CDKAL1: variants seen among roughly 807,000 people sequenced by gnomAD.
The protein encoded by CDKAL1 is threonylcarbamoyladenosine tRNA methylthiotransferase.
Under a neutral mutation model 68.2 loss-of-function variants are expected in CDKAL1, and 32 were observed. The ratio of observed to expected loss-of-function variants is 0.47; its 90% CI spans 0.35 to 0.63. The LOEUF is 0.63. CDKAL1 is among the 30% of genes least tolerant of loss of function. The probability of loss-of-function intolerance (pLI) is 0.00; values close to 1 mark genes in which losing one functional copy is unlikely to be tolerated. For synonymous variants in CDKAL1, 234 were observed against 244.3 expected (o/e 0.96, Z 0.39); for missense variants, 606 against 696.7 (o/e 0.87, Z 1.47).
Position 21,117,385 on chromosome 6 carries a change from C to A in CDKAL1, c.1299+8922C>A, listed in dbSNP as rs181234137. On this transcript the variant is annotated intron_variant, in intron 13 of 15. Transcript: ENST00000274695. ...AGCACAGTTGGTTCTCGCCTGTAATCCCAGCATTTTGAGAGGTCAGGGTGG... is the reference window on the plus strand; with the variant it reads ...AGCACAGTTGGTTCTCGCCTGTAATACCAGCATTTTGAGAGGTCAGGGTGG... Among the ~76,000 whole-genome samples the A allele has an allele frequency of 2.6e-5, 4 of 151,516 alleles. No homozygotes were observed. In the East Asian group the frequency reaches 7.8e-4, roughly 29 times the overall value.
intron 4 of CDKAL1, among the ~76,000 whole-genome samples, chr6:20,613,243 T>G (rs1291705809): frequency 9.1e-6 from 1 of 109,892 alleles, no homozygotes; most frequent in Non-Finnish European, 1.9e-5. Flanking sequence ...ATCACAAAAT[T>G]TCTTTCTTTT....
chr6:20,976,467 A>G (rs1390064166), intron 10 of CDKAL1, among the ~76,000 whole-genome samples: 1 of 152,134 alleles, frequency 6.6e-6, no homozygotes, highest in Non-Finnish European at 1.5e-5. Flanking sequence ...TTTCATCTAG[A>G]TCTTAAGCTT....
intron 4 of CDKAL1, among the ~76,000 whole-genome samples, chr6:20,583,702 G>C (rs1765227127): frequency 6.6e-6 from 1 of 151,852 alleles, no homozygotes; most frequent in Non-Finnish European, 1.5e-5. Context: ...TTAGCTATAG[G>C]AGTATGAATG....
intron 11 of CDKAL1, among the ~76,000 whole-genome samples, chr6:21,031,639 A>G (rs943095494): frequency 5.3e-5 from 8 of 151,992 alleles, no homozygotes; most frequent in Non-Finnish European, 1.2e-4. Context: ...CTTGGAAGGT[A>G]GAAGTCGGGA....
chr6:20,704,828 C>G (rs772151586), intron 5 of CDKAL1, among the ~76,000 whole-genome samples: 2 of 152,120 alleles, frequency 1.3e-5, no homozygotes, highest in Non-Finnish European at 2.9e-5. Context: ...TCCAGTGCCC[C>G]GAGGCCTGTG....
At chr6:20,591,066 G>T (rs530042797) in intron 4 of CDKAL1, among the ~76,000 whole-genome samples, 9 of 152,252 alleles carry the variant, frequency 5.9e-5, no homozygotes, top group Admixed American at 3.9e-4. Flanking sequence ...GCATGAGATG[G>T]TATCTCATTG....
intron 9 of CDKAL1, among the ~76,000 whole-genome samples, chr6:20,849,655 T>G (rs1758902945): frequency 6.6e-6 from 1 of 151,422 alleles, no homozygotes; most frequent in African/African-American, 2.4e-5. Context: ...GGAAGAGAAG[T>G]CTAATTTTGG....
At chr6:20,993,919 A>C (rs1230427459) in intron 10 of CDKAL1, among the ~76,000 whole-genome samples, 1 of 152,152 alleles carries the variant, frequency 6.6e-6, no homozygotes, top group Non-Finnish European at 1.5e-5. Context: ...GCCTTAATAC[A>C]TCAGCCCTTC....
intron 9 of CDKAL1, among the ~76,000 whole-genome samples, chr6:20,904,197 CA>C (rs923837621): frequency 1.9e-4 from 29 of 152,112 alleles, no homozygotes; most frequent in African/African-American, 6.3e-4. Flanking sequence ...TGCATTGTTG[CA>C]AGCCCCTCCT....
chr6:21,166,926 G>A (rs1562086641), intron 13 of CDKAL1, among the ~76,000 whole-genome samples: 1 of 152,192 alleles, frequency 6.6e-6, no homozygotes, highest in African/African-American at 2.4e-5. Flanking sequence ...CTTGAAGACA[G>A]AACACCCAGA....
chr6:21,160,585 C>T (rs1274472098), intron 13 of CDKAL1, among the ~76,000 whole-genome samples: 9 of 143,080 alleles, frequency 6.3e-5, no homozygotes, highest in African/African-American at 2.1e-4. Flanking sequence ...CGTGAGCCAC[C>T]GCACCCAGCC....
Position 21,230,876 on chromosome 6 carries a change from T to G in CDKAL1, c.1577T>G (p.Leu526Arg). Residue 526 changes from leucine to arginine, a missense_variant, in exon 16 of 16, where the codon CTG (leucine) becomes CGG (arginine). Physicochemically the swap from Leu to Arg is moderately radical, Grantham distance 102. Transcript: ENST00000274695. The stretch of plus-strand genomic sequence containing the variant: ...TTCAGAAATGGGCTTGGGAACCAGC[T>G]GAGTTCAGGATCCCACACCTCTGCT... ...KDFRNGLGNQ[L>R]SSGSHTSAAS... is the part of the protein sequence containing the mutation. 6.2e-7 allele frequency: 1 copy of G among 1,610,512 alleles called. No homozygotes were observed. Among genetic ancestry groups the G allele is most frequent in the South Asian group, 1.1e-5 (1 of 90,284 alleles).
chr6:20,540,672 C>T (rs1429772169), intron 2 of CDKAL1, among the ~76,000 whole-genome samples: 1 of 151,866 alleles, frequency 6.6e-6, no homozygotes, highest in Non-Finnish European at 1.5e-5. Flanking sequence ...GCCAGGCTGA[C>T]CTCCAACTCC....
At chr6:20,631,007 C>T (rs1431796179) in intron 4 of CDKAL1, among the ~76,000 whole-genome samples, 2 of 152,186 alleles carry the variant, frequency 1.3e-5, no homozygotes, top group Non-Finnish European at 2.9e-5. Context: ...TTAAGTCAAG[C>T]ATTTTAATTG....
chr6:20,800,918 C>G (rs1776340131), intron 8 of CDKAL1, among the ~76,000 whole-genome samples: 1 of 150,376 alleles, frequency 6.6e-6, no homozygotes, highest in Non-Finnish European at 1.5e-5. Flanking sequence ...CCAACCAACT[C>G]TTTCTTTCTT....
At chr6:21,119,775 G>T (rs768072146) in intron 13 of CDKAL1, among the ~76,000 whole-genome samples, 1 of 152,068 alleles carries the variant, frequency 6.6e-6, no homozygotes, top group Non-Finnish European at 1.5e-5. Flanking sequence ...TCTTCAACAT[G>T]GTGCATTTGG....
intron 15 of CDKAL1, among the ~76,000 whole-genome samples, chr6:21,205,195 C>T (rs1778855599): frequency 6.6e-6 from 1 of 152,194 alleles, no homozygotes; most frequent in African/African-American, 2.4e-5. Flanking sequence ...TTAATTCATT[C>T]ATCCATTGGT....
intron 11 of CDKAL1, among the ~76,000 whole-genome samples, chr6:21,029,514 C>T (rs926964803): frequency 2.0e-5 from 3 of 152,032 alleles, no homozygotes; most frequent in Admixed American, 6.5e-5. Context: ...TTCTGCACAG[C>T]AAAAGAAACT....
chr6:20,868,276 T>G (rs909111269), intron 9 of CDKAL1, among the ~76,000 whole-genome samples: 2 of 152,218 alleles, frequency 1.3e-5, no homozygotes, highest in Non-Finnish European at 2.9e-5. Flanking sequence ...GTCTGCTCCT[T>G]TTTTAGTTGA....
Sources: allele counts gnomAD v4.1 joint callset (sites outside exome capture counted in the v4.1 genomes callset), GRCh38; gene constraint gnomAD v4.1.1; transcripts MANE v1.5; gene names NCBI Gene and HGNC (gene_info 2026-07-23, HGNC 2026-07-21).